OVOL3: variants seen among roughly 807,000 people sequenced by gnomAD.
OVOL3 encodes putative transcription factor ovo-like protein 3.
A neutral mutation model predicts 13.6 loss-of-function variants in OVOL3; 15 were observed. That is an observed-to-expected ratio of 1.11 (90% CI 0.74 to 1.70). OVOL3 has a LOEUF of 1.70. Ranked by LOEUF, OVOL3 falls within the 40% of genes most tolerant of loss-of-function variation. The probability of loss-of-function intolerance (pLI) is 0.00; values close to 1 mark genes in which losing one functional copy is unlikely to be tolerated. For missense variants in OVOL3, 290 were observed against 280.6 expected (o/e 1.03, Z -0.24); for synonymous variants, 102 against 108.5 (o/e 0.94, Z 0.37).
At chr19:36,112,736 C>G in intron 2 of OVOL3, 24 bp from the exon 3 acceptor site, 4 of 1,521,068 alleles carry the variant, frequency 2.6e-6, no homozygotes, top group Non-Finnish European at 3.5e-6. Flanking sequence ...GCCAGAGAGG[C>G]TAATAACTCC....
In OVOL3 at chr19:36,112,842, T is replaced by C; in HGVS notation, c.242T>C (p.Leu81Pro). The C allele has an allele frequency of 1.3e-6, 2 of 1,536,048 alleles. No individual in the cohort carries two copies. The highest frequency in any genetic ancestry group is 1.7e-6 in the Non-Finnish European group (2 of 1,146,906). The part of the protein sequence containing the change: ...GCPLCPKAFP[L>P]QRMLTRHLKC... ...CCGCTCTGCCCTAAGGCCTTCCCTC[T>C]GCAGCGCATGCTGACAAGGCACCTC... Residue 81 changes from leucine (L) to proline (P), a missense_variant, in exon 3 of 4, where the codon CTG becomes CCG. Transcript: ENST00000633214.
In OVOL3 at chr19:36,113,570, G is replaced by A. The variant is rs576902033; in HGVS notation, c.482G>A (p.Arg161His). ...QPASYAYRER[R>H]EKLHVCEDCG... ...GCCAGCTACGCTTACCGTGAGCGCCGCGAGAAGCTGCACGTGTGCGAGGAC... is the reference window on the plus strand; with the variant it reads ...GCCAGCTACGCTTACCGTGAGCGCCACGAGAAGCTGCACGTGTGCGAGGAC... The change falls in exon 4 of 4, where the codon CGC becomes CAC. Residue 161 changes from arginine to histidine, a missense_variant. Coordinates refer to ENST00000633214, the MANE Select transcript of OVOL3 (RefSeq NM_001302757.2). 5 of 1,537,510 alleles carry A rather than the reference G, an allele frequency of 3.3e-6. No individual in the cohort carries two copies. The highest frequency in any genetic ancestry group is 2.4e-5 in the South Asian group (2 of 84,066).
At position 36,111,350 on chromosome 19, in the gene OVOL3, A is replaced by C; in HGVS notation, c.95-19A>C. ...GGGGCAGGAGAGACGCAGTGTCACC[A>C]TCTGGCTTTTCTCCTCAGACTGCAG... On this transcript the variant is annotated intron_variant, in intron 1 of 3. Coordinates refer to ENST00000633214, the MANE Select transcript of OVOL3 (RefSeq NM_001302757.2). The C allele has an allele frequency of 6.5e-7, 1 of 1,535,644 alleles. No homozygotes were observed. The highest frequency in any genetic ancestry group is 8.7e-7 in the Non-Finnish European group (1 of 1,146,618).
In OVOL3 at chr19:36,113,571, C is replaced by G; in HGVS notation, c.483C>G (p.Arg161=). The G allele has an allele frequency of 6.5e-7, 1 of 1,537,700 alleles. No individual in the cohort carries two copies. The highest frequency in any genetic ancestry group is 8.7e-7 in the Non-Finnish European group (1 of 1,146,890). ...QPASYAYRER[R]EKLHVCEDCG... ...CCAGCTACGCTTACCGTGAGCGCCG[C>G]GAGAAGCTGCACGTGTGCGAGGACT... is the stretch of plus-strand genomic sequence containing the variant. The change falls in exon 4 of 4, where the codon CGC becomes CGG. Residue 161 remains arginine, a synonymous_variant. Transcript: ENST00000633214.
rs1221301285 is a variant in OVOL3 at position 36,112,794 on chromosome 19, G to A, written c.194G>A (p.Arg65Lys). The A allele has an allele frequency of 4.6e-6, 7 of 1,534,798 alleles. No individual in the cohort carries two copies. The East Asian group carries it at 1.7e-4, about 38-fold the overall frequency. Residue 65 changes from arginine (R) to lysine (K), a missense_variant, in exon 3 of 4, where the codon AGG (arginine) becomes AAG (lysine). Physicochemically the swap from Arg to Lys is conservative, Grantham distance 26. Coordinates refer to ENST00000633214, the MANE Select transcript of OVOL3 (RefSeq NM_001302757.2). ...PTQGNLTSAP[R>K]GPGTLGCPLC... The stretch of plus-strand genomic sequence containing the variant: ...CAGGGCAACCTGACCTCTGCTCCCA[G>A]GGGCCCTGGGACGCTGGGCTGCCCG...
chr19:36,111,506 C>A, intron 2 of OVOL3, 73 bp downstream of exon 2: 1 of 1,441,322 alleles, frequency 6.9e-7, no homozygotes, highest in Non-Finnish European at 9.4e-7. Flanking sequence ...AAGCTGACAG[C>A]CCCTTGCTCC....
chr19:36,112,388 G>A (rs999037417), intron 2 of OVOL3, among the ~76,000 whole-genome samples: 1 of 152,054 alleles, frequency 6.6e-6, no homozygotes, highest in Non-Finnish European at 1.5e-5. Flanking sequence ...GGCATGTGGC[G>A]CATGCCTACA....
Position 36,111,433 on chromosome 19 carries a change from GGTGA to G in OVOL3, c.159+4_159+7del, listed in dbSNP as rs1306200847. On this transcript the variant is annotated splice_donor_variant and splice_donor_region_variant and intron_variant, in intron 2 of 3. Transcript: ENST00000633214. LOFTEE classifies it high-confidence loss of function. ...CCAGTGTCAGGGATCCGTGGACAGC[GGTGA>G]GTGTGTAACTGGCTAGCAAAGCCAG... The G allele has an allele frequency of 3.3e-6, 5 of 1,535,802 alleles. No individual in the cohort carries two copies. The highest frequency in any genetic ancestry group is 2.7e-5 in the African/African-American group (2 of 73,028).
Position 36,112,923 on chromosome 19 carries a change from A to G in OVOL3, c.323A>G (p.His108Arg). ...HLCRCCGKGFHDAFDLKRHMR... is the reference protein window; with the variant it reads ...HLCRCCGKGFRDAFDLKRHMR... ...TGCCGCTGTTGTGGCAAGGGCTTTC[A>G]TGACGCCTTCGATCTCAAGCGCCAC... The change falls in exon 3 of 4, where the codon CAT (histidine) becomes CGT (arginine). Residue 108 changes from histidine (H) to arginine (R), a missense_variant. By Grantham distance (29) the His-to-Arg change is conservative. Transcript: ENST00000633214. 6.5e-7 allele frequency: 1 copy of G among 1,536,282 alleles called. No individual in the cohort carries two copies. Among genetic ancestry groups the G allele is most frequent in the Non-Finnish European group, 8.7e-7 (1 of 1,146,944 alleles).
At chr19:36,111,672 G>A (rs749238120) in intron 2 of OVOL3, 2 of 668,706 alleles carry the variant, frequency 3.0e-6, no homozygotes. Flanking sequence ...TTCCAGCGGG[G>A]CACAAGATTC....
chr19:36,111,243 C>G lies in OVOL3; in HGVS notation c.41C>G (p.Pro14Arg), dbSNP rs1275652892. 6.5e-7 allele frequency: 1 copy of G among 1,535,858 alleles called. No homozygotes were observed. The highest frequency in any genetic ancestry group is 1.4e-5 in the African/African-American group (1 of 73,032). Residue 14 changes from proline to arginine, a missense_variant, in exon 1 of 4, where the codon CCC becomes CGC. Pro to Arg is a moderately radical substitution (Grantham distance 103). Coordinates refer to ENST00000633214, the MANE Select transcript of OVOL3 (RefSeq NM_001302757.2). ...CTGGTCAGGAGTCGGCGTCCACAGCCCCCCAACTGGGGCCATCTGCCTGAC... is the reference window on the plus strand; with the variant it reads ...CTGGTCAGGAGTCGGCGTCCACAGCGCCCCAACTGGGGCCATCTGCCTGAC... ...AFLVRSRRPQ[P>R]PNWGHLPDQL...
rs575057430 is a variant in OVOL3, at chr19:36,112,807, G to A, written c.207G>A (p.Thr69=). ...NLTSAPRGPG[T]LGCPLCPKAF... is the part of the protein sequence containing the mutation. Reference sequence around the variant, plus strand: ...CCTCTGCTCCCAGGGGCCCTGGGACGCTGGGCTGCCCGCTCTGCCCTAAGG... The same window carrying A: ...CCTCTGCTCCCAGGGGCCCTGGGACACTGGGCTGCCCGCTCTGCCCTAAGG... Residue 69 remains threonine (T), a synonymous_variant, in exon 3 of 4, where the codon ACG becomes ACA. Transcript: ENST00000633214. 22 of 1,535,292 alleles carry A rather than the reference G, an allele frequency of 1.4e-5. No homozygotes were observed. Among genetic ancestry groups the A allele is most frequent in the Admixed American group, 1.2e-4 (6 of 50,994 alleles).
In OVOL3 at chr19:36,113,076, G is replaced by A. The variant is rs73036138; in HGVS notation, c.364+112G>A. On this transcript the variant is annotated intron_variant, in intron 3 of 3. Coordinates refer to ENST00000633214, the MANE Select transcript of OVOL3 (RefSeq NM_001302757.2). The stretch of plus-strand genomic sequence containing the variant: ...CCATGGTTTGTGTATGTGGGGTATG[G>A]AGAATCAAGACATGATGTCTCTCGG... 3.6e-3 allele frequency: 4,233 copies of A among 1,180,768 alleles called. 16 individuals are homozygous for A. The highest frequency in any genetic ancestry group is 3.5e-3 in the Non-Finnish European group (2,963 of 846,310). 73.1% of individuals were successfully genotyped at this position (1,180,768 alleles called of 1,614,324 possible). A position where few individuals can be genotyped will look rare whatever the true frequency, so the allele number is the denominator to read the frequency against.
At chr19:36,111,328 G>T in intron 1 of OVOL3, 32 bp downstream of exon 1, 1 of 1,535,618 alleles carries the variant, frequency 6.5e-7, no homozygotes, top group Non-Finnish European at 8.7e-7. Context: ...GAGGTAAGGG[G>T]CAGGAGAGAC....
chr19:36,112,653 C>T, intron 2 of OVOL3, 107 bp from the exon 3 acceptor site: 1 of 1,062,266 alleles, frequency 9.4e-7, no homozygotes, highest in Non-Finnish European at 1.3e-6. Context: ...ACCTGCCTTC[C>T]TAATCCTCCG....
chr19:36,111,261 T>C lies in OVOL3; in HGVS notation c.59T>C (p.Leu20Pro), dbSNP rs1221610046. Reference protein sequence around the residue: ...RRPQPPNWGHLPDQLRGDAYI... With the variant: ...RRPQPPNWGHPPDQLRGDAYI... ...CCACAGCCCCCCAACTGGGGCCATC[T>C]GCCTGACCAGCTCCGGGGAGATGCC... The change falls in exon 1 of 4, where the codon CTG becomes CCG. Residue 20 changes from leucine to proline, a missense_variant. Physicochemically the swap from Leu to Pro is moderately conservative, Grantham distance 98. Coordinates refer to ENST00000633214, the MANE Select transcript of OVOL3 (RefSeq NM_001302757.2). The C allele has an allele frequency of 2.6e-6, 4 of 1,536,040 alleles. No homozygotes were observed. Among genetic ancestry groups the C allele is most frequent in the Non-Finnish European group, 3.5e-6 (4 of 1,146,868 alleles).
At chr19:36,112,523 A>G (rs1261371055) in intron 2 of OVOL3, among the ~76,000 whole-genome samples, 2 of 151,750 alleles carry the variant, frequency 1.3e-5, no homozygotes, top group Non-Finnish European at 2.9e-5. Flanking sequence ...CTGTCTTTAA[A>G]AAAAAAAAAT....
At position 36,113,641 on chromosome 19, in the gene OVOL3, G is replaced by A. The variant is rs1266296286; in HGVS notation, c.553G>A (p.Ala185Thr). Residue 185 changes from alanine to threonine, a missense_variant, in exon 4 of 4, where the codon GCC becomes ACC. Coordinates refer to ENST00000633214, the MANE Select transcript of OVOL3 (RefSeq NM_001302757.2). ...GCCCGACACCTACGCACAGCACCGCGCCCTGCACCGCGCAGCCTGATACGG... is the reference window on the plus strand; with the variant it reads ...GCCCGACACCTACGCACAGCACCGCACCCTGCACCGCGCAGCCTGATACGG... ...SRPDTYAQHR[A>T]LHRAA 6.5e-6 allele frequency: 10 copies of A among 1,547,818 alleles called. No individual in the cohort carries two copies. In the African/African-American group the frequency reaches 8.2e-5, roughly 13 times the overall value.
chr19:36,111,752 A>G (rs1973825006), intron 2 of OVOL3: 2 of 543,924 alleles, frequency 3.7e-6, no homozygotes, highest in South Asian at 3.1e-5. Context: ...GATGGGAGAT[A>G]AGGGCTTTTT....
Sources: allele counts gnomAD v4.1 joint callset (sites outside exome capture counted in the v4.1 genomes callset), GRCh38; gene constraint gnomAD v4.1.1; transcripts MANE v1.5; gene names NCBI Gene and HGNC (gene_info 2026-07-23, HGNC 2026-07-21).